The following RXRG variants were observed in gnomAD, a reference collection of about 807,000 sequenced individuals.
RXRG encodes retinoic acid receptor RXR-gamma.
Under a neutral mutation model 49.2 loss-of-function variants are expected in RXRG, and 19 were observed. That is an observed-to-expected ratio of 0.39 (90% CI 0.27 to 0.57). The LOEUF (loss-of-function observed/expected upper bound fraction) is 0.57. RXRG is among the 20% of genes least tolerant of loss of function. RXRG has a pLI of 0.64. For synonymous variants in RXRG, 224 were observed against 216.6 expected (o/e 1.03, Z -0.30); for missense variants, 452 against 592.5 (o/e 0.76, Z 2.46).
chr1:165,425,744 A>G (rs157876), intron 2 of RXRG, among the ~76,000 whole-genome samples: 32,558 of 152,104 alleles, frequency 0.21, 4,173 homozygotes, highest in African/African-American at 0.36. Flanking sequence ...AATATATATT[A>G]AGCAGTTTAT....
intron 5 of RXRG, 39 bp downstream of exon 5, chr1:165,410,910 C>T: frequency 1.9e-6 from 3 of 1,613,274 alleles, no homozygotes; most frequent in Non-Finnish European, 2.5e-6. Flanking sequence ...CAGCCCTACC[C>T]AAGAAATGGA....
intron 1 of RXRG, among the ~76,000 whole-genome samples, chr1:165,440,838 T>A (rs1313570455): frequency 6.6e-6 from 1 of 152,182 alleles, no homozygotes; most frequent in African/African-American, 2.4e-5. Context: ...GGTGGGGCAT[T>A]TAGATTCTCT....
Position 165,428,706 on chromosome 1 carries a change from G to A in RXRG, c.297+13C>T. On this transcript the variant is annotated intron_variant, in intron 2 of 9. Transcript: ENST00000359842. ...AGATGGCTGGAAAGGCCTTGGAGAG[G>A]AAGAACACTTACCTGAGAGCTGGGT... is the stretch of plus-strand genomic sequence containing the variant. The A allele has an allele frequency of 2.5e-6, 4 of 1,576,142 alleles. No homozygotes were observed. In the African/African-American group the frequency reaches 5.4e-5, roughly 21 times the overall value.
At chr1:165,444,491 C>T (rs1056481894) in intron 1 of RXRG, among the ~76,000 whole-genome samples, 2 of 152,114 alleles carry the variant, frequency 1.3e-5, no homozygotes, top group African/African-American at 4.8e-5. Flanking sequence ...AGTAATTCCC[C>T]GTTAACTCTT....
intron 1 of RXRG, among the ~76,000 whole-genome samples, chr1:165,442,257 A>G (rs760697184): frequency 4.6e-5 from 7 of 152,196 alleles, no homozygotes; most frequent in Non-Finnish European, 1.0e-4. Flanking sequence ...CATCACAGAA[A>G]GTTCTCAAAC....
At chr1:165,442,405 A>G (rs2101751497) in intron 1 of RXRG, among the ~76,000 whole-genome samples, 1 of 152,356 alleles carries the variant, frequency 6.6e-6, no homozygotes, top group African/African-American at 2.4e-5. Context: ...ATGACAAAGA[A>G]AAGTAGCTTT....
intron 2 of RXRG, among the ~76,000 whole-genome samples, chr1:165,423,384 C>T (rs1290170288): frequency 2.0e-5 from 3 of 152,228 alleles, no homozygotes; most frequent in African/African-American, 7.2e-5. Flanking sequence ...GCTGGATCGT[C>T]TTCCCTTTTG....
intron 1 of RXRG, among the ~76,000 whole-genome samples, chr1:165,437,391 G>C (rs1254389758): frequency 6.6e-6 from 1 of 152,118 alleles, no homozygotes; most frequent in African/African-American, 2.4e-5. Flanking sequence ...ATTTTTCTTA[G>C]GGCTGAGTTT....
intron 8 of RXRG, among the ~76,000 whole-genome samples, chr1:165,407,809 T>A (rs1657803427): frequency 6.6e-6 from 1 of 151,528 alleles, no homozygotes. Context: ...CCCATCTCGG[T>A]GAATAAGAAC....
intron 4 of RXRG, among the ~76,000 whole-genome samples, chr1:165,415,907 C>T (rs540241623): frequency 6.6e-6 from 1 of 152,322 alleles, no homozygotes; most frequent in South Asian, 2.1e-4. Flanking sequence ...AGTTCATTAA[C>T]TGCCTTTGGC....
chr1:165,424,951 A>G, intron 2 of RXRG: 4 of 985,534 alleles, frequency 4.1e-6, no homozygotes, highest in Non-Finnish European at 4.8e-6. Context: ...TCCGGAGCCC[A>G]AGCCCAGAAC....
intron 2 of RXRG, among the ~76,000 whole-genome samples, chr1:165,426,744 G>GTA (rs917585326): frequency 1.6e-4 from 24 of 152,118 alleles, no homozygotes; most frequent in African/African-American, 4.8e-4. Context: ...AGGTGTGTGT[G>GTA]TATATATATA....
chr1:165,434,853 G>A (rs771790595), intron 1 of RXRG, among the ~76,000 whole-genome samples: 22 of 152,286 alleles, frequency 1.4e-4, no homozygotes, highest in East Asian at 3.9e-4. Flanking sequence ...TCCCTGCTTC[G>A]CTCTTAACAC....
At chr1:165,410,138 C>T (rs1422209587) in intron 6 of RXRG, among the ~76,000 whole-genome samples, 1 of 152,172 alleles carries the variant, frequency 6.6e-6, no homozygotes, top group Non-Finnish European at 1.5e-5. Context: ...AGCTGACACT[C>T]AGTGAGTGCT....
chr1:165,442,207 T>C (rs1659030204), intron 1 of RXRG, among the ~76,000 whole-genome samples: 1 of 152,200 alleles, frequency 6.6e-6, no homozygotes, highest in Non-Finnish European at 1.5e-5. Context: ...TAATCCTGCT[T>C]TCCCCTGTGC....
intron 2 of RXRG, among the ~76,000 whole-genome samples, chr1:165,421,898 T>C (rs1197061594): frequency 6.6e-6 from 1 of 152,126 alleles, no homozygotes; most frequent in African/African-American, 2.4e-5. Flanking sequence ...ACCACTGCCA[T>C]AGCGTGACTT....
At chr1:165,434,550 G>T (rs1170824643) in intron 1 of RXRG, among the ~76,000 whole-genome samples, 1 of 152,186 alleles carries the variant, frequency 6.6e-6, no homozygotes, top group Non-Finnish European at 1.5e-5. Flanking sequence ...CCCTCTTCAG[G>T]TTGGAATGGA....
At chr1:165,428,286 C>T (rs1658556352) in intron 2 of RXRG, among the ~76,000 whole-genome samples, 1 of 152,216 alleles carries the variant, frequency 6.6e-6, no homozygotes. Flanking sequence ...ACATACCTGC[C>T]TATTTCTCCT....
intron 9 of RXRG, among the ~76,000 whole-genome samples, chr1:165,406,251 G>C (rs1356428209): frequency 7.9e-6 from 1 of 125,968 alleles, no homozygotes; most frequent in African/African-American, 2.9e-5. Flanking sequence ...CAAATGAGGA[G>C]CCCAGACTCA....
Sources: allele counts gnomAD v4.1 joint callset (sites outside exome capture counted in the v4.1 genomes callset), GRCh38; gene constraint gnomAD v4.1.1; transcripts MANE v1.5; gene names NCBI Gene and HGNC (gene_info 2026-07-23, HGNC 2026-07-21).